ME3: variants seen among roughly 807,000 people sequenced by gnomAD.
The protein encoded by ME3 is NADP-dependent malic enzyme, mitochondrial.
In ME3, 48 loss-of-function variants were observed where a neutral mutation model predicts 68.9. The ratio of observed to expected loss-of-function variants is 0.70; its 90% CI spans 0.55 to 0.89. The LOEUF (loss-of-function observed/expected upper bound fraction) is 0.89. Ranked by LOEUF, ME3 falls within the 40% of genes least tolerant of loss-of-function variation. The pLI is 0.00. For synonymous variants in ME3, 320 were observed against 318.8 expected (o/e 1.00, Z -0.04); for missense variants, 675 against 797.4 (o/e 0.85, Z 1.85).
chr11:86,619,357 T>C (rs551890338), intron 2 of ME3, among the ~76,000 whole-genome samples: 4 of 152,374 alleles, frequency 2.6e-5, no homozygotes, highest in African/African-American at 9.6e-5. Flanking sequence ...AAGTATTAAA[T>C]TGAGGGTTAA....
At chr11:86,521,111 C>T (rs1275146494) in intron 4 of ME3, among the ~76,000 whole-genome samples, 5 of 152,118 alleles carry the variant, frequency 3.3e-5, no homozygotes, top group African/African-American at 4.8e-5. Flanking sequence ...TAGCTGTGGC[C>T]GGGTGTAGTG....
chr11:86,652,282 C>A (rs1945497464), intron 2 of ME3, among the ~76,000 whole-genome samples: 1 of 152,060 alleles, frequency 6.6e-6, no homozygotes, highest in African/African-American at 2.4e-5. Context: ...AACTCCAAGA[C>A]ACATAATTGT....
At chr11:86,483,232 G>A (rs1238436485) in intron 7 of ME3, among the ~76,000 whole-genome samples, 2 of 152,292 alleles carry the variant, frequency 1.3e-5, no homozygotes, top group East Asian at 3.9e-4. Flanking sequence ...AAACAAGTGG[G>A]ATGAGTAGCA....
chr11:86,637,569 T>TGA (rs1427703918), intron 2 of ME3, among the ~76,000 whole-genome samples: 1 of 152,096 alleles, frequency 6.6e-6, no homozygotes, highest in African/African-American at 2.4e-5. Flanking sequence ...TTAGGAGCAG[T>TGA]GAGTCTTGTG....
intron 4 of ME3, among the ~76,000 whole-genome samples, chr11:86,542,819 C>T (rs1956130487): frequency 6.6e-6 from 1 of 152,070 alleles, no homozygotes; most frequent in African/African-American, 2.4e-5. Context: ...CAAAGATACA[C>T]CTCAAGAAGA....
chr11:86,623,516 G>GA (rs56924678), intron 2 of ME3, among the ~76,000 whole-genome samples: 58,220 of 151,586 alleles, frequency 0.38, 11,765 homozygotes, highest in East Asian at 0.7. Context: ...TTTGGAGAAC[G>GA]CTAACATGAT....
intron 6 of ME3, among the ~76,000 whole-genome samples, chr11:86,491,218 G>GT (rs1259136207): frequency 8.5e-5 from 13 of 152,192 alleles, no homozygotes; most frequent in Non-Finnish European, 1.6e-4. Flanking sequence ...GAGTTCAAGG[G>GT]TTTAAATAAA....
chr11:86,663,242 AGCTTT>A (rs140305676), intron 2 of ME3, among the ~76,000 whole-genome samples: 1,883 of 152,304 alleles, frequency 0.012, 46 homozygotes, highest in African/African-American at 0.043. Context: ...AAGCCAATGC[AGCTTT>A]GGCTTTCTCT....
At chr11:86,565,943 A>G (rs1041627222) in intron 2 of ME3, among the ~76,000 whole-genome samples, 4 of 152,246 alleles carry the variant, frequency 2.6e-5, no homozygotes, top group Non-Finnish European at 5.9e-5. Flanking sequence ...ACACTGTGAG[A>G]ATGGGACACG....
intron 6 of ME3, among the ~76,000 whole-genome samples, chr11:86,496,240 G>A (rs539812979): frequency 2.6e-5 from 4 of 151,956 alleles, no homozygotes; most frequent in African/African-American, 4.8e-5. Context: ...ACCCCATCTC[G>A]ACTAAAAATA....
intron 2 of ME3, among the ~76,000 whole-genome samples, chr11:86,656,297 C>T (rs1028478796): frequency 1.3e-5 from 2 of 152,040 alleles, no homozygotes; most frequent in East Asian, 1.9e-4. Flanking sequence ...GACACATGCA[C>T]ACATATGTTT....
rs142951558 is a variant in ME3 at position 86,521,008 on chromosome 11, C to T, written c.468-12141G>A. ...ATCTGTGACTCGGAGCTAGACAGAC[C>T]TGGGTTCAAAGCCCAAATCCAACCC... On this transcript the variant is annotated intron_variant, in intron 4 of 14. Transcript: ENST00000543262. Among the ~76,000 whole-genome samples, 462 of 152,294 alleles carry T rather than the reference C, an allele frequency of 3.0e-3. 3 individuals carry two copies. The highest frequency in any genetic ancestry group is 0.011 in the African/African-American group (450 of 41,548).
intron 8 of ME3, among the ~76,000 whole-genome samples, chr11:86,451,999 C>T (rs1353062987): frequency 6.6e-6 from 1 of 152,160 alleles, no homozygotes; most frequent in Non-Finnish European, 1.5e-5. Flanking sequence ...TAATGAGCTT[C>T]TGTTTTATGG....
At chr11:86,624,825 G>T (rs1400754969) in intron 2 of ME3, among the ~76,000 whole-genome samples, 1 of 152,224 alleles carries the variant, frequency 6.6e-6, no homozygotes, top group African/African-American at 2.4e-5. Flanking sequence ...CCAGATCACA[G>T]AGGGTCTCAT....
At chr11:86,579,772 A>G (rs1958328654) in intron 2 of ME3, among the ~76,000 whole-genome samples, 1 of 152,204 alleles carries the variant, frequency 6.6e-6, no homozygotes, top group African/African-American at 2.4e-5. Flanking sequence ...TGGTTGATAA[A>G]TTTTAACTGG....
chr11:86,656,936 T>C (rs994306468), intron 2 of ME3, among the ~76,000 whole-genome samples: 3 of 151,848 alleles, frequency 2.0e-5, no homozygotes, highest in African/African-American at 7.3e-5. Flanking sequence ...CCATGCCAGT[T>C]AGAATGGCAA....
intron 2 of ME3, among the ~76,000 whole-genome samples, chr11:86,621,221 C>T (rs1943327930): frequency 6.6e-6 from 1 of 152,192 alleles, no homozygotes; most frequent in Non-Finnish European, 1.5e-5. Context: ...TATCCTGACA[C>T]AATGTTCTTT....
intron 2 of ME3, among the ~76,000 whole-genome samples, chr11:86,600,991 G>C (rs79853040): frequency 2.5e-3 from 378 of 151,824 alleles, no homozygotes; most frequent in Non-Finnish European, 3.8e-3. Context: ...ATGCCCACAA[G>C]AGAAAGCAGG....
chr11:86,608,719 T>A (rs766044974), intron 2 of ME3, among the ~76,000 whole-genome samples: 11 of 152,224 alleles, frequency 7.2e-5, no homozygotes, highest in Non-Finnish European at 1.3e-4. Context: ...AGTAAAACTT[T>A]ACTATTCTCT....
Sources: allele counts gnomAD v4.1 joint callset (sites outside exome capture counted in the v4.1 genomes callset), GRCh38; gene constraint gnomAD v4.1.1; transcripts MANE v1.5; gene names NCBI Gene and HGNC (gene_info 2026-07-23, HGNC 2026-07-21).